Variants in PTPRE observed in about 807,000 individuals in gnomAD.
PTPRE encodes receptor-type tyrosine-protein phosphatase epsilon.
In PTPRE, 51 loss-of-function variants were observed where a neutral mutation model predicts 102.0. The ratio of observed to expected loss-of-function variants is 0.50; its 90% CI spans 0.40 to 0.63. The LOEUF (loss-of-function observed/expected upper bound fraction) is 0.63. Ranked by LOEUF, PTPRE falls within the 30% of genes least tolerant of loss-of-function variation. The probability of loss-of-function intolerance (pLI) is 0.00; values close to 1 mark genes in which losing one functional copy is unlikely to be tolerated. For missense variants in PTPRE, 752 were observed against 915.1 expected (o/e 0.82, Z 2.30); for synonymous variants, 345 against 348.2 (o/e 0.99, Z 0.10).
At chr10:127,949,769 C>T (rs549072236) in intron 1 of PTPRE, among the ~76,000 whole-genome samples, 2 of 152,294 alleles carry the variant, frequency 1.3e-5, no homozygotes, top group African/African-American at 4.8e-5. Flanking sequence ...AAACACAAGC[C>T]TTTGTCCCTC....
intron 9 of PTPRE, among the ~76,000 whole-genome samples, chr10:128,062,503 G>T (rs1414186152): frequency 6.6e-6 from 1 of 152,178 alleles, no homozygotes; most frequent in African/African-American, 2.4e-5. Flanking sequence ...CAGCAGCAGG[G>T]CCAGGGGCTT....
intron 2 of PTPRE, among the ~76,000 whole-genome samples, chr10:128,032,494 C>T (rs1846851703): frequency 6.6e-6 from 1 of 152,138 alleles, no homozygotes; most frequent in South Asian, 2.1e-4. Context: ...CAGCCACCGT[C>T]TTCTCTCTCT....
intron 1 of PTPRE, among the ~76,000 whole-genome samples, chr10:127,962,639 A>T (rs1849915085): frequency 6.6e-6 from 1 of 152,168 alleles, no homozygotes; most frequent in East Asian, 1.9e-4. Context: ...AGCTCAGGGG[A>T]GCAGGAGTCT....
chr10:127,969,041 C>T (rs1850484673), intron 1 of PTPRE, among the ~76,000 whole-genome samples: 1 of 152,210 alleles, frequency 6.6e-6, no homozygotes, highest in African/African-American at 2.4e-5. Context: ...GGGTTTCCAA[C>T]AATGGTTTTC....
chr10:127,950,901 C>A lies in PTPRE; in HGVS notation c.-30-31373C>A, dbSNP rs187755222. On this transcript the variant is annotated intron_variant, in intron 1 of 20. Transcript: ENST00000254667. ...CACTAGGTCAGGAGATAGAGACCAT[C>A]CTGGCTAACACAGTGAAACCCCATC... Among the ~76,000 whole-genome samples the A allele has an allele frequency of 3.7e-3, 557 of 152,058 alleles. 9 individuals carry two copies. Among genetic ancestry groups the A allele is most frequent in the South Asian group, 0.027 (131 of 4,808 alleles).
chr10:128,046,450 G>A (rs1848097544), intron 3 of PTPRE, among the ~76,000 whole-genome samples: 1 of 152,192 alleles, frequency 6.6e-6, no homozygotes, highest in South Asian at 2.1e-4. Context: ...AGAAACCCGG[G>A]AGCCAAGGCA....
chr10:127,994,007 C>T (rs1226307953), intron 2 of PTPRE, among the ~76,000 whole-genome samples: 3 of 152,156 alleles, frequency 2.0e-5, no homozygotes, highest in East Asian at 3.9e-4. Flanking sequence ...AGGGGTCATA[C>T]CCCGGCACAT....
intron 2 of PTPRE, among the ~76,000 whole-genome samples, chr10:128,003,458 T>C (rs1160663336): frequency 6.6e-6 from 1 of 152,158 alleles, no homozygotes; most frequent in African/African-American, 2.4e-5. Context: ...ACTCTTACTT[T>C]GAAACTATAC....
At chr10:128,063,016 C>A (rs1260534224) in intron 9 of PTPRE, 67 bp from the exon 10 acceptor site, 2 of 1,598,718 alleles carry the variant, frequency 1.3e-6, no homozygotes, top group African/African-American at 2.7e-5. Flanking sequence ...GCCAGGGTGC[C>A]GGGGCTGGGA....
chr10:128,040,830 A>AGCT (rs1564914773), intron 2 of PTPRE, 45 bp from the exon 3 acceptor site: 1 of 1,514,358 alleles, frequency 6.6e-7, no homozygotes, highest in South Asian at 1.1e-5. Flanking sequence ...AGGGTCCCAC[A>AGCT]GCTGCTGCTG....
intron 7 of PTPRE, among the ~76,000 whole-genome samples, chr10:128,057,205 G>A (rs545917541): frequency 1.0e-4 from 15 of 148,376 alleles, no homozygotes; most frequent in East Asian, 2.0e-4. Context: ...GAACAAGAGC[G>A]AAACTCCATC....
At chr10:127,909,854 C>T (rs1335155587) in intron 1 of PTPRE, among the ~76,000 whole-genome samples, 12 of 152,146 alleles carry the variant, frequency 7.9e-5, no homozygotes, top group African/African-American at 2.9e-4. Context: ...TAGGCAGCCA[C>T]ACATTTTTGC....
At chr10:127,917,345 A>G (rs1009857578) in intron 1 of PTPRE, among the ~76,000 whole-genome samples, 3 of 152,094 alleles carry the variant, frequency 2.0e-5, no homozygotes, top group Non-Finnish European at 4.4e-5. Context: ...GATGGTGCCA[A>G]TGTTTGTGCT....
intron 2 of PTPRE, among the ~76,000 whole-genome samples, chr10:128,029,672 GTCTATTTTCCAGCTGAATAAACAAGCCTT>G (rs559673930): frequency 6.7e-4 from 102 of 152,322 alleles, no homozygotes; most frequent in African/African-American, 2.4e-3. Context: ...GCTGAAAAAC[GTCTATTTTCCAGCTGAATAAACAAGCCTT>G]TCAAGAAGAG....
rs1402577503 is a variant in PTPRE, at chr10:128,040,880, C to T, written c.-2C>T. ...CTGTCCCTGCCTCTCTGCAGGTCCACCATGGAGCCCTTGTGTCCACTCCTG... is the reference window on the plus strand; with the variant it reads ...CTGTCCCTGCCTCTCTGCAGGTCCATCATGGAGCCCTTGTGTCCACTCCTG... On this transcript the variant is annotated 5_prime_UTR_variant, in exon 3 of 21. Transcript: ENST00000254667. 1.2e-6 allele frequency: 2 copies of T among 1,613,866 alleles called. No homozygotes were observed. Among genetic ancestry groups the T allele is most frequent in the Admixed American group, 1.7e-5 (1 of 59,996 alleles).
intron 17 of PTPRE, among the ~76,000 whole-genome samples, chr10:128,075,507 A>G (rs1055885860): frequency 2.0e-5 from 3 of 148,804 alleles, no homozygotes; most frequent in Non-Finnish European, 4.4e-5. Flanking sequence ...TGTTCTCCCT[A>G]CCTGTATATT....
At chr10:127,975,057 GA>G (rs1851044406) in intron 1 of PTPRE, among the ~76,000 whole-genome samples, 1 of 152,202 alleles carries the variant, frequency 6.6e-6, no homozygotes, top group East Asian at 1.9e-4. Context: ...AGAGGGCTCA[GA>G]AAAGATGTCA....
chr10:127,981,912 G>T (rs936234395), intron 1 of PTPRE, among the ~76,000 whole-genome samples: 1 of 152,154 alleles, frequency 6.6e-6, no homozygotes, highest in Admixed American at 6.6e-5. Context: ...CCCCAGACCA[G>T]GTTGTAAAAG....
chr10:127,909,297 G>A (rs1031675548), intron 1 of PTPRE, among the ~76,000 whole-genome samples: 2 of 152,172 alleles, frequency 1.3e-5, no homozygotes, highest in Non-Finnish European at 2.9e-5. Flanking sequence ...CAAACCCCAA[G>A]AGAAGATGCA....
Sources: gnomAD v4.1 joint callset for allele counts (sites outside exome capture counted in the v4.1 genomes callset) on GRCh38, gnomAD v4.1.1 for gene constraint, MANE v1.5 for transcripts, NCBI Gene and HGNC (gene_info 2026-07-23, HGNC 2026-07-21) for gene names.